LINGO2: variants seen among roughly 807,000 people sequenced by gnomAD.
The protein encoded by LINGO2 is leucine-rich repeat and immunoglobulin-like domain-containing nogo receptor-interacting protein 2.
Under a neutral mutation model 30.6 loss-of-function variants are expected in LINGO2, and 14 were observed. That is an observed-to-expected ratio of 0.46 (90% CI 0.30 to 0.72). The LOEUF (loss-of-function observed/expected upper bound fraction) is 0.72. Among genes scored for constraint, LINGO2 ranks in the 30% least tolerant of loss-of-function variants. The pLI is 0.07. For synonymous variants in LINGO2, 317 were observed against 288.5 expected (o/e 1.10, Z -1.00); for missense variants, 729 against 751.7 (o/e 0.97, Z 0.35).
intron 4 of LINGO2, among the ~76,000 whole-genome samples, chr9:28,188,479 GTAT>G (rs1819623500): frequency 1.3e-5 from 2 of 152,102 alleles, no homozygotes; most frequent in Non-Finnish European, 2.9e-5. Flanking sequence ...GGGCCAGAGG[GTAT>G]GGGAAGACGC....
intron 5 of LINGO2, among the ~76,000 whole-genome samples, chr9:27,983,870 C>T (rs1171573363): frequency 6.6e-6 from 1 of 151,866 alleles, no homozygotes; most frequent in Non-Finnish European, 1.5e-5. Context: ...TTTTTCTCTG[C>T]TTTCCTACCA....
intron 4 of LINGO2, among the ~76,000 whole-genome samples, chr9:28,025,534 C>T (rs944743183): frequency 2.0e-5 from 3 of 152,086 alleles, no homozygotes; most frequent in African/African-American, 7.2e-5. Context: ...AGCATTTTTT[C>T]CTTCCAAAGC....
chr9:28,361,584 T>A (rs1279026103), intron 3 of LINGO2, among the ~76,000 whole-genome samples: 1 of 152,050 alleles, frequency 6.6e-6, no homozygotes, highest in Non-Finnish European at 1.5e-5. Context: ...AGTCATGACC[T>A]GAGATTTAAC....
chr9:29,197,698 A>G, the LINGO2 span, among the ~76,000 whole-genome samples: 2 of 152,090 alleles, frequency 1.3e-5, no homozygotes, highest in African/African-American at 4.8e-5. Flanking sequence ...ATGCTTTGGT[A>G]AAGTTTCACT....
At chr9:28,228,390 A>C (rs1025935734) in intron 4 of LINGO2, among the ~76,000 whole-genome samples, 4 of 152,036 alleles carry the variant, frequency 2.6e-5, no homozygotes, top group African/African-American at 9.7e-5. Flanking sequence ...GTACGAACTA[A>C]ATCAGATCCA....
chr9:28,586,151 C>T (rs915446792), intron 1 of LINGO2, among the ~76,000 whole-genome samples: 1 of 151,876 alleles, frequency 6.6e-6, no homozygotes, highest in Non-Finnish European at 1.5e-5. Flanking sequence ...ATTCAGCCAC[C>T]GTGGAACATA....
rs570015103 is a variant in LINGO2 at position 28,023,492 on chromosome 9, T to C, written c.-86-11087A>G. 6.6e-5 allele frequency among the ~76,000 whole-genome samples: 10 copies of C among 152,230 alleles called. No individual in the cohort carries two copies. In the East Asian group the frequency reaches 1.9e-3, roughly 29 times the overall value. On this transcript the variant is annotated intron_variant, in intron 4 of 5. Transcript: ENST00000379992. ...GAAACTTGTTGGTATGGTGGTAAGGTGTAGAGAGGGAAAATGTTCTATACT... is the reference window on the plus strand; with the variant it reads ...GAAACTTGTTGGTATGGTGGTAAGGCGTAGAGAGGGAAAATGTTCTATACT...
At chr9:28,469,712 A>G (rs1825447310) in intron 2 of LINGO2, among the ~76,000 whole-genome samples, 1 of 152,186 alleles carries the variant, frequency 6.6e-6, no homozygotes, top group Admixed American at 6.5e-5. Flanking sequence ...CTAGAATCTT[A>G]TATTTGGCAT....
the LINGO2 span, among the ~76,000 whole-genome samples, chr9:28,711,975 A>T: frequency 6.6e-6 from 1 of 152,260 alleles, no homozygotes; most frequent in South Asian, 2.1e-4. Context: ...TGGAAAAGAG[A>T]TGCTAGGAAC....
At chr9:28,170,648 G>A (rs2133652914) in intron 4 of LINGO2, among the ~76,000 whole-genome samples, 1 of 152,150 alleles carries the variant, frequency 6.6e-6, no homozygotes, top group East Asian at 1.9e-4. Context: ...AGTGTAAAAT[G>A]GGTCTCAGGG....
At chr9:29,018,776 G>A in the LINGO2 span, among the ~76,000 whole-genome samples, 1 of 152,090 alleles carries the variant, frequency 6.6e-6, no homozygotes, top group South Asian at 2.1e-4. Context: ...CTTATGCACT[G>A]GACTAAGGAA....
the LINGO2 span, among the ~76,000 whole-genome samples, chr9:29,118,958 A>C: frequency 6.6e-6 from 1 of 152,152 alleles, no homozygotes; most frequent in Non-Finnish European, 1.5e-5. Flanking sequence ...ACCTGACTGC[A>C]GCCCCATTTT....
At chr9:29,159,848 G>C in the LINGO2 span, among the ~76,000 whole-genome samples, 30,542 of 144,778 alleles carry the variant, frequency 0.21, 3,340 homozygotes, top group East Asian at 0.37. Context: ...AAAAAAAAAA[G>C]AGTACTTTGT....
chr9:29,080,312 G>C, the LINGO2 span, among the ~76,000 whole-genome samples: 2,364 of 152,058 alleles, frequency 0.016, 77 homozygotes, highest in African/African-American at 0.053. Flanking sequence ...ATTTTTTATT[G>C]CATCTATTTC....
the LINGO2 span, among the ~76,000 whole-genome samples, chr9:28,950,680 A>G: frequency 6.6e-6 from 1 of 152,250 alleles, no homozygotes; most frequent in Middle Eastern, 3.4e-3. Flanking sequence ...TAGGAATACA[A>G]GTTACAAGGG....
chr9:28,926,741 T>C, the LINGO2 span, among the ~76,000 whole-genome samples: 1 of 152,338 alleles, frequency 6.6e-6, no homozygotes, highest in South Asian at 2.1e-4. Context: ...TTAACAAACT[T>C]CTAAGAGTAA....
chr9:29,103,400 T>C, the LINGO2 span, among the ~76,000 whole-genome samples: 1 of 152,066 alleles, frequency 6.6e-6, no homozygotes, highest in Non-Finnish European at 1.5e-5. Context: ...TGATCAAAAT[T>C]TCTTCATTTT....
chr9:28,532,365 C>T (rs1564271244), intron 1 of LINGO2, among the ~76,000 whole-genome samples: 1 of 152,086 alleles, frequency 6.6e-6, no homozygotes. Flanking sequence ...TCAAAGTCCT[C>T]AAACTGTTTT....
In LINGO2 at chr9:28,383,254, T is replaced by TTTTGTG. The variant is rs1554714265; in HGVS notation, c.-278-10387_-278-10386insCACAAA. On this transcript the variant is annotated intron_variant, in intron 2 of 5. Transcript: ENST00000379992. ...TTGAAACACTATAGATCACCATTCA[T>TTTTGTG]TGTGTGTGTGTGTGTGTGTGTGTGT... 7.7e-3 allele frequency among the ~76,000 whole-genome samples: 565 copies of TTTTGTG among 73,708 alleles called. 5 individuals carry two copies. The highest frequency in any genetic ancestry group is 0.019 in the African/African-American group (542 of 28,990). 48.4% of individuals were successfully genotyped at this position (73,708 alleles called of 152,430 possible). A position where few individuals can be genotyped will look rare whatever the true frequency, so the allele number is the denominator to read the frequency against.
Sources: allele counts gnomAD v4.1 joint callset (sites outside exome capture counted in the v4.1 genomes callset), GRCh38; gene constraint gnomAD v4.1.1; transcripts MANE v1.5; gene names NCBI Gene and HGNC (gene_info 2026-07-23, HGNC 2026-07-21).